MEI4: variants seen among roughly 807,000 people sequenced by gnomAD.
MEI4 encodes the protein meiotic double-stranded break formation protein 4, also known as meiosis-specific protein MEI4.
A neutral mutation model predicts 31.4 loss-of-function variants in MEI4; 27 were observed. The ratio of observed to expected loss-of-function variants is 0.86; its 90% CI spans 0.63 to 1.19. The LOEUF (loss-of-function observed/expected upper bound fraction) is 1.19, where lower values mean the gene tolerates loss of function less well. Among genes scored for constraint, MEI4 ranks in the 50% most tolerant of loss-of-function variants. The pLI is 0.00. For missense variants in MEI4, 329 were observed against 398.9 expected, an observed-to-expected ratio of 0.82 and a Z score of 1.49; for synonymous variants, 122 against 145.4, an observed-to-expected ratio of 0.84 and a Z score of 1.16.
At chr6:77,816,111 T>A (rs1246487512) in intron 3 of MEI4, among the ~76,000 whole-genome samples, 1 of 152,124 alleles carries the variant, frequency 6.6e-6, no homozygotes, top group Non-Finnish European at 1.5e-5. Context: ...TTATGAGCTG[T>A]CCAGAAGGAA....
intron 4 of MEI4, among the ~76,000 whole-genome samples, chr6:77,914,113 TA>T (rs1766491565): frequency 6.6e-6 from 1 of 151,866 alleles, no homozygotes; most frequent in South Asian, 2.1e-4. Flanking sequence ...GCTTGATCTT[TA>T]TTAGTTTTTT....
chr6:77,838,906 A>G (rs1770288987), intron 4 of MEI4, among the ~76,000 whole-genome samples: 1 of 152,050 alleles, frequency 6.6e-6, no homozygotes, highest in Admixed American at 6.5e-5. Flanking sequence ...TCTATCTCAA[A>G]AAAAAAAAAG....
intron 2 of MEI4, among the ~76,000 whole-genome samples, chr6:77,731,689 A>C (rs112832129): frequency 0.15 from 22,170 of 150,654 alleles, 2,007 homozygotes; most frequent in East Asian, 0.39. Flanking sequence ...TGTTTTAGAC[A>C]TGAAGTCCTT....
intron 4 of MEI4, among the ~76,000 whole-genome samples, chr6:77,842,493 A>G (rs1387606036): frequency 6.6e-6 from 1 of 152,162 alleles, no homozygotes; most frequent in Non-Finnish European, 1.5e-5. Context: ...GCAAGGAAAA[A>G]TTGAGCCCAG....
intron 4 of MEI4, among the ~76,000 whole-genome samples, chr6:77,900,599 T>G (rs1332854558): frequency 6.6e-6 from 1 of 151,902 alleles, no homozygotes; most frequent in Non-Finnish European, 1.5e-5. Flanking sequence ...AAAGGCTCAA[T>G]GAATACATGG....
At chr6:77,897,878 T>C (rs1319079190) in intron 4 of MEI4, among the ~76,000 whole-genome samples, 1 of 151,996 alleles carries the variant, frequency 6.6e-6, no homozygotes, top group Non-Finnish European at 1.5e-5. Flanking sequence ...TTAACTGTAC[T>C]CTGCTCTAAC....
At chr6:77,828,761 A>C (rs1441259125) in intron 3 of MEI4, among the ~76,000 whole-genome samples, 170 bp from the exon 4 acceptor site, 1 of 152,184 alleles carries the variant, frequency 6.6e-6, no homozygotes, top group African/African-American at 2.4e-5. Context: ...AAAATCTTAG[A>C]GCCTAGAATA....
intron 4 of MEI4, among the ~76,000 whole-genome samples, chr6:77,867,713 C>G (rs568211048): frequency 6.6e-6 from 1 of 152,024 alleles, no homozygotes; most frequent in African/African-American, 2.4e-5. Flanking sequence ...CATCCGATTA[C>G]TGGGTATATA....
At chr6:77,905,866 T>A (rs757539135) in intron 4 of MEI4, among the ~76,000 whole-genome samples, 1 of 151,596 alleles carries the variant, frequency 6.6e-6, no homozygotes, top group Admixed American at 6.6e-5. Flanking sequence ...AACTCATAAT[T>A]TACAATACTT....
intron 2 of MEI4, among the ~76,000 whole-genome samples, chr6:77,717,895 T>G (rs1766616997): frequency 1.2e-5 from 1 of 85,858 alleles, no homozygotes; most frequent in Non-Finnish European, 2.3e-5. Context: ...CTCTCTTGCT[T>G]TTCCCCACAT....
At chr6:77,907,982 T>G (rs1766338642) in intron 4 of MEI4, among the ~76,000 whole-genome samples, 1 of 143,942 alleles carries the variant, frequency 6.9e-6, no homozygotes, top group Non-Finnish European at 1.5e-5. Flanking sequence ...CTTCACGCAC[T>G]TGTTGATGGG....
chr6:77,913,746 T>C (rs1166496574), intron 4 of MEI4, among the ~76,000 whole-genome samples: 1 of 151,678 alleles, frequency 6.6e-6, no homozygotes, highest in Non-Finnish European at 1.5e-5. Flanking sequence ...AGAAAAACTT[T>C]TGTTGAGCCC....
intron 4 of MEI4, among the ~76,000 whole-genome samples, chr6:77,918,265 C>T (rs1201484976): frequency 2.0e-5 from 3 of 150,742 alleles, no homozygotes; most frequent in Non-Finnish European, 4.4e-5. Flanking sequence ...TTTTTTGGTT[C>T]CATATGAACT....
intron 3 of MEI4, among the ~76,000 whole-genome samples, chr6:77,819,840 G>C (rs369338699): frequency 2.6e-5 from 4 of 152,056 alleles, no homozygotes; most frequent in Non-Finnish European, 5.9e-5. Context: ...CTGATCTTTT[G>C]TTGGTTCCAA....
chr6:77,779,040 G>A (rs1366945944), intron 3 of MEI4, among the ~76,000 whole-genome samples: 24 of 152,140 alleles, frequency 1.6e-4, no homozygotes, highest in Admixed American at 1.6e-3. Flanking sequence ...TGGCCTGGAA[G>A]TAAATTTAGT....
chr6:77,919,024 C>T (rs1391156645), intron 4 of MEI4, among the ~76,000 whole-genome samples: 2 of 151,982 alleles, frequency 1.3e-5, no homozygotes, highest in South Asian at 2.1e-4. Context: ...TACAAAGAGA[C>T]TTAGACTCCC....
intron 4 of MEI4, among the ~76,000 whole-genome samples, chr6:77,879,535 C>T (rs1404996016): frequency 2.6e-5 from 4 of 152,178 alleles, no homozygotes; most frequent in Non-Finnish European, 5.9e-5. Flanking sequence ...TTAGGTCACA[C>T]ATATTTACAT....
At chr6:77,805,697 G>T (rs754892955) in intron 3 of MEI4, among the ~76,000 whole-genome samples, 29 of 152,142 alleles carry the variant, frequency 1.9e-4, no homozygotes, top group South Asian at 4.1e-4. Context: ...TTCAAGGAAA[G>T]AAAATTCTAA....
At chr6:77,835,079 G>T (rs927676209) in intron 4 of MEI4, among the ~76,000 whole-genome samples, 3 of 150,296 alleles carry the variant, frequency 2.0e-5, no homozygotes, top group African/African-American at 7.3e-5. Context: ...ATCGAACCCT[G>T]ATATAATTAT....
Sources: allele counts gnomAD v4.1 joint callset (sites outside exome capture counted in the v4.1 genomes callset), GRCh38; gene constraint gnomAD v4.1.1; transcripts MANE v1.5; gene names NCBI Gene and HGNC (gene_info 2026-07-23, HGNC 2026-07-21).